The following ASCC1 variants were observed in gnomAD, a reference collection of about 807,000 sequenced individuals.
The protein encoded by ASCC1 is activating signal cointegrator 1 complex subunit 1, also known as ASC-1 complex subunit P50.
In ASCC1, 35 loss-of-function variants were observed where a neutral mutation model predicts 46.6. That is an observed-to-expected ratio of 0.75 (90% CI 0.57 to 0.99). The LOEUF is 0.99. Among genes scored for constraint, ASCC1 ranks in the 50% least tolerant of loss-of-function variants. The pLI is 0.00. For missense variants in ASCC1, 376 were observed against 428.7 expected (o/e 0.88, Z 1.09); for synonymous variants, 143 against 146.6 (o/e 0.98, Z 0.18).
chr10:72,210,899 C>T (rs548600690), intron 2 of ASCC1, 68 bp from the exon 3 acceptor site: 3 of 1,446,502 alleles, frequency 2.1e-6, no homozygotes, highest in African/African-American at 1.4e-5. Context: ...TTCGCCTCAG[C>T]TGTCAACCGC....
chr10:72,216,833 A>G (rs890912971), upstream of ASCC1: 13 of 456,086 alleles, frequency 2.9e-5, no homozygotes, highest in Admixed American at 9.4e-5. Context: ...GACAGGGCCA[A>G]GTCCCAGGAT....
rs77965047 is a variant in ASCC1, at chr10:72,176,019, C to T, written c.490-14345G>A. On this transcript the variant is annotated intron_variant, in intron 5 of 9. Transcript: ENST00000672957. ...ATAATTACAATTATAACAACAATAACATTCATTCGGCACTATGTGCCATGC... is the reference window on the plus strand; with the variant it reads ...ATAATTACAATTATAACAACAATAATATTCATTCGGCACTATGTGCCATGC... Among the ~76,000 whole-genome samples, 957 of 152,354 alleles carry T rather than the reference C, an allele frequency of 6.3e-3. 6 individuals are homozygous for T. Among genetic ancestry groups the T allele is most frequent in the African/African-American group, 0.022 (912 of 41,586 alleles).
chr10:72,138,326 A>G (rs1846510896), intron 7 of ASCC1, among the ~76,000 whole-genome samples: 1 of 152,256 alleles, frequency 6.6e-6, no homozygotes. Context: ...TGAACATGAA[A>G]CACGAAGCAT....
intron 4 of ASCC1, among the ~76,000 whole-genome samples, chr10:72,197,467 C>CAAAAAAAAAAAAAAAAAAAA (rs59460393): frequency 1.9e-5 from 1 of 51,364 alleles, no homozygotes; most frequent in Non-Finnish European, 3.4e-5. Flanking sequence ...GACTCTATCT[C>CAAAAAAAAAAAAAAAAAAAA]AAAAAAAAAA....
chr10:72,211,565 C>A (rs974838657), intron 2 of ASCC1, among the ~76,000 whole-genome samples: 1 of 151,290 alleles, frequency 6.6e-6, no homozygotes, highest in Non-Finnish European at 1.5e-5. Flanking sequence ...CTCCAGAATG[C>A]GCTTGTCTCT....
rs192580389 is a variant in ASCC1 at position 72,167,361 on chromosome 10, A to G, written c.490-5687T>C. Among the ~76,000 whole-genome samples the G allele has an allele frequency of 2.6e-5, 4 of 152,374 alleles. No individual in the cohort carries two copies. The East Asian group carries it at 7.7e-4, about 29-fold the overall frequency. Reference sequence around the variant, plus strand: ...TAAAAGAAGCCAGATGCAAAAGACTACGTATTATATGATTCTATCTACATG... The same window carrying G: ...TAAAAGAAGCCAGATGCAAAAGACTGCGTATTATATGATTCTATCTACATG... On this transcript the variant is annotated intron_variant, in intron 5 of 9. Coordinates refer to ENST00000672957, the MANE Select transcript of ASCC1 (RefSeq NM_001198800.3).
intron 9 of ASCC1, among the ~76,000 whole-genome samples, chr10:72,107,414 G>A (rs1430778056): frequency 6.6e-6 from 1 of 151,684 alleles, no homozygotes; most frequent in East Asian, 1.9e-4. Flanking sequence ...TTGTCTTCTG[G>A]GCCACCTGTG....
chr10:72,167,628 G>A (rs1021289407), intron 5 of ASCC1, among the ~76,000 whole-genome samples: 2 of 149,610 alleles, frequency 1.3e-5, no homozygotes, highest in Admixed American at 6.7e-5. Context: ...TAAATAAGTT[G>A]TGTCTATGTC....
intron 9 of ASCC1, among the ~76,000 whole-genome samples, chr10:72,107,494 C>T (rs962436307): frequency 6.6e-6 from 1 of 152,082 alleles, no homozygotes; most frequent in African/African-American, 2.4e-5. Flanking sequence ...TCCACCACAT[C>T]CGGGGTCAAA....
At chr10:72,153,449 A>G (rs1315361279) in intron 6 of ASCC1, among the ~76,000 whole-genome samples, 1 of 143,806 alleles carries the variant, frequency 7.0e-6, no homozygotes, top group Non-Finnish European at 1.5e-5. Flanking sequence ...TTGTTTTGAG[A>G]CGGAGTTTTG....
At chr10:72,173,708 C>T (rs568605762) in intron 5 of ASCC1, among the ~76,000 whole-genome samples, 1 of 152,290 alleles carries the variant, frequency 6.6e-6, no homozygotes, top group African/African-American at 2.4e-5. Flanking sequence ...ACCTTCAAGG[C>T]AACGGCATAA....
At chr10:72,161,913 A>G (rs1849742528) in intron 5 of ASCC1, among the ~76,000 whole-genome samples, 1 of 152,236 alleles carries the variant, frequency 6.6e-6, no homozygotes, top group South Asian at 2.1e-4. Context: ...TTAACAAAAT[A>G]GATCATGACC....
In ASCC1 at chr10:72,096,041, A is replaced by G. The variant is rs1288140272; in HGVS notation, c.*1293T>C. The G allele has an allele frequency of 2.3e-6, 1 of 439,268 alleles. No individual in the cohort carries two copies. The highest frequency in any genetic ancestry group is 2.0e-5 in the African/African-American group (1 of 49,556). The allele number at this position is 439,268 out of a possible 1,614,324, so 27.2% of individuals were successfully genotyped here. ...ATCATACTAACAGAAACACCGTTAAACATTTTATTCACAAGTGATTTGTGC... is the reference window on the plus strand; with the variant it reads ...ATCATACTAACAGAAACACCGTTAAGCATTTTATTCACAAGTGATTTGTGC... On this transcript the variant is annotated 3_prime_UTR_variant, in exon 10 of 10. Transcript: ENST00000672957.
chr10:72,172,649 T>C (rs1851268203), intron 5 of ASCC1, among the ~76,000 whole-genome samples: 1 of 145,054 alleles, frequency 6.9e-6, no homozygotes, highest in Non-Finnish European at 1.5e-5. Context: ...CCCAGCCCAA[T>C]GTTGAGATGT....
chr10:72,163,392 A>G (rs942943901), intron 5 of ASCC1, among the ~76,000 whole-genome samples: 4 of 152,186 alleles, frequency 2.6e-5, no homozygotes, highest in African/African-American at 4.8e-5. Context: ...GAATGGATAA[A>G]CAAACCGTAG....
intron 5 of ASCC1, among the ~76,000 whole-genome samples, chr10:72,188,511 GGAAAA>G (rs1035471436): frequency 2.3e-4 from 34 of 150,718 alleles, no homozygotes; most frequent in African/African-American, 5.4e-4. Context: ...ATCGAAAAAA[GGAAAA>G]GAAAAGGAAA....
At chr10:72,212,389 T>C (rs931912067) in intron 2 of ASCC1, 1 of 154,418 alleles carries the variant, frequency 6.5e-6, no homozygotes, top group Non-Finnish European at 1.4e-5. Flanking sequence ...TGCATTGTAT[T>C]AGGTATTATA....
chr10:72,172,857 T>C (rs1437953983), intron 5 of ASCC1, among the ~76,000 whole-genome samples: 19 of 124,546 alleles, frequency 1.5e-4, no homozygotes, highest in Admixed American at 1.1e-3. Flanking sequence ...ATAATATTTT[T>C]ATATTATATA....
chr10:72,171,801 G>C (rs562825805), intron 5 of ASCC1, among the ~76,000 whole-genome samples: 1 of 152,286 alleles, frequency 6.6e-6, no homozygotes, highest in Admixed American at 6.5e-5. Context: ...AATAGTCACC[G>C]GTTTTGGGAT....
Sources: allele counts gnomAD v4.1 joint callset (sites outside exome capture counted in the v4.1 genomes callset), GRCh38; gene constraint gnomAD v4.1.1; transcripts MANE v1.5; gene names NCBI Gene and HGNC (gene_info 2026-07-23, HGNC 2026-07-21).